PARP6: variants seen among roughly 807,000 people sequenced by gnomAD.
PARP6 encodes the protein protein mono-ADP-ribosyltransferase PARP6.
A neutral mutation model predicts 92.0 loss-of-function variants in PARP6; 27 were observed. The ratio of observed to expected loss-of-function variants is 0.29; its 90% confidence interval spans 0.22 to 0.40. The LOEUF (loss-of-function observed/expected upper bound fraction) is 0.40. Among genes scored for constraint, PARP6 ranks in the 10% least tolerant of loss-of-function variants. The pLI is 1.00. For missense variants in PARP6, 501 were observed against 784.5 expected (o/e 0.64, Z 4.32); for synonymous variants, 272 against 281.2 (o/e 0.97, Z 0.33).
At chr15:72,249,107 G>T in intron 20 of PARP6, 138 bp downstream of exon 20, 2 of 459,560 alleles carry the variant, frequency 4.4e-6, no homozygotes, top group Non-Finnish European at 4.0e-6. Context: ...GAGAGAGAGA[G>T]AATATGTATC....
At chr15:72,264,517 T>C in intron 8 of PARP6, 38 bp downstream of exon 8, 1 of 1,503,760 alleles carries the variant, frequency 6.6e-7, no homozygotes, top group South Asian at 1.1e-5. Flanking sequence ...CTCTCCTTCC[T>C]TCACATGTCC....
At position 72,256,471 on chromosome 15, in the gene PARP6, G is replaced by A; in HGVS notation, c.1119C>T (p.Asn373=). 2 of 1,560,696 alleles carry A rather than the reference G, an allele frequency of 1.3e-6. No individual in the cohort carries two copies. The highest frequency in any genetic ancestry group is 1.7e-6 in the Non-Finnish European group (2 of 1,159,116). ...DPTDPKTLAF[N]PKKKNYERLQ... ...ACTTTCTCAAGTAACATACCTTAGG[G>A]TTAAAGGCCAGAGTCTTGGGATCAG... Residue 373 remains asparagine (N), a synonymous_variant, in exon 14 of 24, where the codon AAC becomes AAT. Transcript: ENST00000569795.
chr15:72,260,659 G>T lies in PARP6; in HGVS notation c.575C>A (p.Ser192Tyr). Residue 192 changes from serine to tyrosine, a missense_variant, in exon 10 of 24, where the codon TCC (serine) becomes TAC (tyrosine). Ser to Tyr is a moderately radical substitution (Grantham distance 144, BLOSUM62 -2). This residue lies in a region of PARP6 where 291 missense variants were observed against 352.0 expected (regional missense o/e 0.83). Transcript: ENST00000569795. ...KSPSFPIIQD[S>Y]MLKGKLGVPE... The stretch of plus-strand genomic sequence containing the variant: ...TACACCTAGTTTGCCTTTCAGCATG[G>T]AGTCCTGTATGATAGGGAAACTGGG... 1 of 1,614,080 alleles carries T rather than the reference G, an allele frequency of 6.2e-7. No individual in the cohort carries two copies. The highest frequency in any genetic ancestry group is 8.5e-7 in the Non-Finnish European group (1 of 1,179,918).
chr15:72,258,976 GT>G (rs1469176702), intron 11 of PARP6, among the ~76,000 whole-genome samples: 2 of 152,310 alleles, frequency 1.3e-5, no homozygotes, highest in Admixed American at 1.3e-4. Context: ...GATGTGGCAT[GT>G]TTATAAATTA....
Position 72,259,671 on chromosome 15 carries a change from G to T in PARP6, c.757-10C>A. 6.2e-7 allele frequency: 1 copy of T among 1,613,612 alleles called. No individual in the cohort carries two copies. Among genetic ancestry groups the T allele is most frequent in the South Asian group, 1.1e-5 (1 of 91,034 alleles). On this transcript the variant is annotated splice_polypyrimidine_tract_variant and intron_variant, in intron 10 of 23. Transcript: ENST00000569795. ...TGCAGTGACCACTGACCTGGTGAGAGTAAAAAGACAGACCCCGTGAACCTC... is the reference window on the plus strand; with the variant it reads ...TGCAGTGACCACTGACCTGGTGAGATTAAAAAGACAGACCCCGTGAACCTC...
chr15:72,251,173 A>G lies in PARP6; in HGVS notation c.1308+34T>C, dbSNP rs753861871. 4 of 1,463,408 alleles carry G rather than the reference A, an allele frequency of 2.7e-6. No homozygotes were observed. In the Admixed American group the frequency reaches 6.7e-5, roughly 24 times the overall value. 90.7% of individuals were successfully genotyped at this position (1,463,408 alleles called of 1,614,324 possible). Reference sequence around the variant, plus strand: ...AGCCCCTCCCTGCCCCTCACCAGAAATTTAAAGCATTTAGAGGGAGAATGG... The same window carrying G: ...AGCCCCTCCCTGCCCCTCACCAGAAGTTTAAAGCATTTAGAGGGAGAATGG... On this transcript the variant is annotated intron_variant, in intron 17 of 23. Coordinates refer to ENST00000569795, the MANE Select transcript of PARP6 (RefSeq NM_001323532.2).
chr15:72,270,355 TG>T (rs2087229913), intron 2 of PARP6, among the ~76,000 whole-genome samples: 1 of 152,190 alleles, frequency 6.6e-6, no homozygotes, highest in African/African-American at 2.4e-5. Context: ...ACGTACATGA[TG>T]GTTTTCTGGT....
At chr15:72,268,435 T>C (rs964344260) in intron 2 of PARP6, among the ~76,000 whole-genome samples, 7 of 152,252 alleles carry the variant, frequency 4.6e-5, no homozygotes, top group Non-Finnish European at 1.0e-4. Context: ...CTAGCTATTA[T>C]ACGGCAACAA....
chr15:72,254,700 T>G (rs935818801), intron 14 of PARP6, among the ~76,000 whole-genome samples, 180 bp from the exon 15 acceptor site: 7 of 152,254 alleles, frequency 4.6e-5, no homozygotes, highest in African/African-American at 1.7e-4. Flanking sequence ...TTTTACCAGC[T>G]GGGAGTAACA....
At chr15:72,255,788 T>C (rs75108885) in intron 14 of PARP6, among the ~76,000 whole-genome samples, 44,706 of 69,228 alleles carry the variant, frequency 0.65, 13,248 homozygotes, top group South Asian at 0.74. Flanking sequence ...TTCTCTCTTT[T>C]TTTTTTTTTT....
chr15:72,241,994 AAG>A lies in PARP6; in HGVS notation c.1706-11_1706-10del. On this transcript the variant is annotated splice_polypyrimidine_tract_variant and intron_variant, in intron 22 of 23. Transcript: ENST00000569795. This position sits in a 1 kb window ranked among gnomAD's most constrained non-coding sequence, Gnocchi z 4.1. ...GTCCTTAGATGTAATCACTGGGAGA[AAG>A]AGGGCCAGAAATCATAGATACAATG... The A allele has an allele frequency of 6.2e-7, 1 of 1,603,780 alleles. No individual in the cohort carries two copies. Among genetic ancestry groups the A allele is most frequent in the Non-Finnish European group, 8.5e-7 (1 of 1,170,566 alleles).
intron 8 of PARP6, among the ~76,000 whole-genome samples, chr15:72,262,359 A>C (rs1052636869): frequency 6.6e-6 from 1 of 152,106 alleles, no homozygotes; most frequent in Non-Finnish European, 1.5e-5. Context: ...CTACTATAAA[A>C]TCTACTTACA....
chr15:72,266,067 T>C (rs2086553667), intron 4 of PARP6, 76 bp from the exon 5 acceptor site: 2 of 998,550 alleles, frequency 2.0e-6, no homozygotes, highest in Non-Finnish European at 3.2e-6. Context: ...AAAAAGAATA[T>C]GAAAAGACAC....
At chr15:72,269,477 C>T (rs887313797) in intron 2 of PARP6, among the ~76,000 whole-genome samples, 26 of 151,956 alleles carry the variant, frequency 1.7e-4, no homozygotes, top group African/African-American at 4.8e-4. Context: ...TAATACAGTT[C>T]TACTGAATGT....
intron 16 of PARP6, among the ~76,000 whole-genome samples, chr15:72,251,502 A>G (rs1169671432): frequency 1.3e-4 from 1 of 7,452 alleles, no homozygotes; most frequent in East Asian, 6.5e-3. Context: ...ACAATGGATG[A>G]AAAAAAAAAA....
chr15:72,248,741 T>G (rs2094465759), intron 20 of PARP6, among the ~76,000 whole-genome samples: 1 of 152,242 alleles, frequency 6.6e-6, no homozygotes, highest in Admixed American at 6.5e-5. Context: ...ATCTTTAGAA[T>G]AAAATGCTTT....
chr15:72,254,164 C>A, intron 15 of PARP6: 2 of 475,480 alleles, frequency 4.2e-6, no homozygotes. Flanking sequence ...GAGGTCTTTC[C>A]TTCACTTCTT....
At position 72,256,598 on chromosome 15, in the gene PARP6, G is replaced by A. The variant is rs1366750094; in HGVS notation, c.1000-8C>T. On this transcript the variant is annotated splice_polypyrimidine_tract_variant and splice_region_variant and intron_variant, in intron 13 of 23. Coordinates refer to ENST00000569795, the MANE Select transcript of PARP6 (RefSeq NM_001323532.2). ...CACCAGCAGATCCACCACCTTAGGG[G>A]AAAGGAAAAAAAACAGGGCAGAAGC... is the stretch of plus-strand genomic sequence containing the variant. The A allele has an allele frequency of 2.0e-6, 3 of 1,523,896 alleles. No individual in the cohort carries two copies. Among genetic ancestry groups the A allele is most frequent in the South Asian group, 1.3e-5 (1 of 77,498 alleles). The allele number at this position is 1,523,896 out of a possible 1,614,324, so 94.4% of individuals were successfully genotyped here.
Position 72,241,515 on chromosome 15 carries a change from C to T in PARP6, c.1833G>A (p.Gln611=), listed in dbSNP as rs1186460320. The stretch of plus-strand genomic sequence containing the variant: ...TGATTTCCTTCTGTATCTTGGGGTC[C>T]TGAGTATTAATGTTGGCATCGCCCA... The part of the protein sequence containing the change: ...GQVGDANINT[Q]DPKIQKEIMR... Residue 611 remains glutamine (Q), a synonymous_variant, in exon 24 of 24, where the codon CAG becomes CAA. Coordinates refer to ENST00000569795, the MANE Select transcript of PARP6 (RefSeq NM_001323532.2). The surrounding 1 kb of genome is among the most constrained non-coding windows in gnomAD (Gnocchi z 4.1). 1.9e-6 allele frequency: 3 copies of T among 1,614,078 alleles called. No individual in the cohort carries two copies. The highest frequency in any genetic ancestry group is 2.7e-5 in the African/African-American group (2 of 75,004).
Sources: allele counts gnomAD v4.1 joint callset (sites outside exome capture counted in the v4.1 genomes callset), GRCh38; gene constraint gnomAD v4.1.1; regional missense constraint gnomAD v4.1.1; non-coding constraint Gnocchi (gnomAD v3.1); transcripts MANE v1.5; gene names NCBI Gene and HGNC (gene_info 2026-07-23, HGNC 2026-07-21).